RASAL2: variants seen among roughly 807,000 people sequenced by gnomAD.
RASAL2 encodes the protein ras GTPase-activating protein nGAP.
A neutral mutation model predicts 128.9 loss-of-function variants in RASAL2; 58 were observed. That is an observed-to-expected ratio of 0.45 (90% CI 0.36 to 0.56). RASAL2 has a LOEUF of 0.56. RASAL2 is among the 20% of genes least tolerant of loss of function. The pLI is 0.00. For synonymous variants in RASAL2, 561 were observed against 580.8 expected (o/e 0.97, Z 0.49); for missense variants, 1,360 against 1,601.6 (o/e 0.85, Z 2.57).
chr1:178,094,791 C>T lies in RASAL2; in HGVS notation c.202+97C>T, dbSNP rs1291649472. ...CACAGGCTCATTCCCAGTCCTCATC[C>T]GTGCTAGGTCAGTTTCCCACATCCC... is the stretch of plus-strand genomic sequence containing the variant. On this transcript the variant is annotated intron_variant, in intron 1 of 17. Coordinates refer to ENST00000367649, the MANE Select transcript of RASAL2 (RefSeq NM_170692.4). The T allele has an allele frequency of 9.9e-6, 14 of 1,414,088 alleles. No individual in the cohort carries two copies. In the African/African-American group the frequency reaches 1.6e-4, roughly 16 times the overall value. 87.6% of individuals were successfully genotyped at this position (1,414,088 alleles called of 1,614,324 possible). A position where few individuals can be genotyped will look rare whatever the true frequency, so the allele number is the denominator to read the frequency against.
At chr1:178,237,648 T>A (rs551884891) in intron 1 of RASAL2, among the ~76,000 whole-genome samples, 1 of 152,366 alleles carries the variant, frequency 6.6e-6, no homozygotes, top group East Asian at 1.9e-4. Context: ...AACAGCTTTT[T>A]TGAGATATAA....
At chr1:178,465,009 T>C (rs1647534394) in intron 15 of RASAL2, among the ~76,000 whole-genome samples, 1 of 152,106 alleles carries the variant, frequency 6.6e-6, no homozygotes, top group Non-Finnish European at 1.5e-5. Flanking sequence ...TATAGCATTA[T>C]ATTATTTAAT....
intron 1 of RASAL2, among the ~76,000 whole-genome samples, chr1:178,275,222 C>G (rs944502646): frequency 2.0e-5 from 3 of 152,022 alleles, no homozygotes. Flanking sequence ...GCTGTGTTGC[C>G]CCGGTTTGAA....
At chr1:178,168,144 C>T (rs1661580212) in intron 1 of RASAL2, among the ~76,000 whole-genome samples, 1 of 151,980 alleles carries the variant, frequency 6.6e-6, no homozygotes, top group Admixed American at 6.6e-5. Flanking sequence ...ATGTTCTAGT[C>T]TTTATAAAAT....
chr1:178,109,435 G>A (rs974736727), intron 1 of RASAL2, among the ~76,000 whole-genome samples: 1 of 152,120 alleles, frequency 6.6e-6, no homozygotes, highest in Middle Eastern at 3.2e-3. Flanking sequence ...CAGGAACACT[G>A]TGGGCTCCTA....
In RASAL2 at chr1:178,098,550, G is replaced by C. The variant is rs140264610; in HGVS notation, c.202+3856G>C. On this transcript the variant is annotated intron_variant, in intron 1 of 17. Transcript: ENST00000367649. The stretch of plus-strand genomic sequence containing the variant: ...TGGATGGGGAGTGTAGGACACTCTG[G>C]GAGAAATTTAAGATCCCAATCTCTA... Among the ~76,000 whole-genome samples, 841 of 152,172 alleles carry C rather than the reference G, an allele frequency of 5.5e-3. 9 individuals carry two copies. The highest frequency in any genetic ancestry group is 0.019 in the African/African-American group (801 of 41,524).
intron 1 of RASAL2, among the ~76,000 whole-genome samples, chr1:178,161,849 T>TTC (rs1661310975): frequency 6.6e-6 from 1 of 152,206 alleles, no homozygotes; most frequent in African/African-American, 2.4e-5. Flanking sequence ...TGAGTATCTT[T>TTC]TCATGTGTTT....
Position 178,292,036 on chromosome 1 carries a change from A to C in RASAL2, c.331-7956A>C, listed in dbSNP as rs1667302825. 1.1e-4 allele frequency among the ~76,000 whole-genome samples: 9 copies of C among 83,076 alleles called. No individual in the cohort carries two copies. In the South Asian group the frequency reaches 2.7e-3, roughly 25 times the overall value. The allele number at this position is 83,076 out of a possible 152,430, so 54.5% of individuals were successfully genotyped here. A position where few individuals can be genotyped will look rare whatever the true frequency, so the allele number is the denominator to read the frequency against. ...GGGTGACTGGGCAAGACTTTGTCTC[A>C]AAAAAAAAAAAAAAAAAAAAAGAAT... On this transcript the variant is annotated intron_variant, in intron 2 of 17. Transcript: ENST00000367649.
intron 4 of RASAL2, among the ~76,000 whole-genome samples, chr1:178,413,854 A>ACTG (rs1178778082): frequency 6.6e-6 from 1 of 152,218 alleles, no homozygotes; most frequent in African/African-American, 2.4e-5. Flanking sequence ...AATCAAAAAC[A>ACTG]CTGTAGCAGA....
intron 1 of RASAL2, among the ~76,000 whole-genome samples, chr1:178,200,807 C>G (rs7522277): frequency 6.6e-6 from 1 of 152,280 alleles, no homozygotes; most frequent in East Asian, 1.9e-4. Flanking sequence ...TCTGATGAAC[C>G]CTTTTTACCA....
intron 1 of RASAL2, among the ~76,000 whole-genome samples, chr1:178,112,252 A>G (rs1018036013): frequency 6.6e-6 from 1 of 151,924 alleles, no homozygotes; most frequent in Admixed American, 6.6e-5. Flanking sequence ...TTGCTATTTT[A>G]TTTAAGAAAT....
intron 5 of RASAL2, among the ~76,000 whole-genome samples, chr1:178,425,406 T>C (rs180910307): frequency 9.9e-4 from 150 of 152,232 alleles, no homozygotes; most frequent in African/African-American, 3.4e-3. Context: ...CCATCTTTAA[T>C]GAAACTAGGA....
At chr1:178,283,268 C>G (rs1666867537) in intron 1 of RASAL2, among the ~76,000 whole-genome samples, 1 of 152,128 alleles carries the variant, frequency 6.6e-6, no homozygotes, top group African/African-American at 2.4e-5. Flanking sequence ...TGGTTAAGCT[C>G]TGAAGCAACC....
At chr1:178,264,889 G>C (rs1483194846) in intron 1 of RASAL2, among the ~76,000 whole-genome samples, 1 of 152,098 alleles carries the variant, frequency 6.6e-6, no homozygotes, top group East Asian at 1.9e-4. Context: ...TAATCACAGG[G>C]TTGGTTCCTC....
chr1:178,248,203 T>C (rs1311261070), intron 1 of RASAL2, among the ~76,000 whole-genome samples: 1 of 152,226 alleles, frequency 6.6e-6, no homozygotes, highest in Non-Finnish European at 1.5e-5. Flanking sequence ...TGTGGGAGTC[T>C]AAGTCTCTTC....
Position 178,202,330 on chromosome 1 carries a change from T to G in RASAL2, c.203-81234T>G, listed in dbSNP as rs142374561. Among the ~76,000 whole-genome samples the G allele has an allele frequency of 4.2e-3, 642 of 152,310 alleles. 3 individuals are homozygous for G. The highest frequency in any genetic ancestry group is 0.014 in the African/African-American group (585 of 41,576). On this transcript the variant is annotated intron_variant, in intron 1 of 17. Transcript: ENST00000367649. Reference sequence around the variant, plus strand: ...CTGCCTTCTCTCCCCCAGCCTGCACTGATGGCCTCATGGGGAGTTCCCTAT... The same window carrying G: ...CTGCCTTCTCTCCCCCAGCCTGCACGGATGGCCTCATGGGGAGTTCCCTAT...
chr1:178,224,005 T>A (rs1329850011), intron 1 of RASAL2, among the ~76,000 whole-genome samples: 1 of 152,128 alleles, frequency 6.6e-6, no homozygotes, highest in African/African-American at 2.4e-5. Context: ...AAGTGTTAAA[T>A]TGAATATATG....
intron 2 of RASAL2, among the ~76,000 whole-genome samples, chr1:178,287,555 AGC>A (rs1302845888): frequency 6.6e-6 from 1 of 152,232 alleles, no homozygotes; most frequent in Non-Finnish European, 1.5e-5. Context: ...TGTTTACAGC[AGC>A]ACAATTCGCA....
intron 3 of RASAL2, among the ~76,000 whole-genome samples, chr1:178,385,083 A>G (rs539309963): frequency 1.3e-5 from 2 of 152,316 alleles, no homozygotes; most frequent in African/African-American, 4.8e-5. Flanking sequence ...TATGATAGAC[A>G]TTTCACTTTA....
Sources: allele counts gnomAD v4.1 joint callset (sites outside exome capture counted in the v4.1 genomes callset), GRCh38; gene constraint gnomAD v4.1.1; transcripts MANE v1.5; gene names NCBI Gene and HGNC (gene_info 2026-07-23, HGNC 2026-07-21).